Variants in PRKN observed in about 807,000 individuals in gnomAD.
PRKN encodes parkin RBR E3 ubiquitin protein ligase, also known as E3 ubiquitin-protein ligase parkin.
PRKN carries 56 observed loss-of-function variants against 59.5 expected under a neutral mutation model. The observed-to-expected ratio is 0.94, with a 90% confidence interval of 0.76 to 1.18. The LOEUF is 1.18. Ranked by LOEUF, PRKN falls within the 50% of genes most tolerant of loss-of-function variation. PRKN has a pLI of 0.00. For synonymous variants in PRKN, 250 were observed against 222.1 expected, an observed-to-expected ratio of 1.13 and a Z score of -1.12; for missense variants, 657 against 596.4, an observed-to-expected ratio of 1.10 and a Z score of -1.06.
At chr6:161,519,651 T>C (rs1422293953) in intron 9 of PRKN, among the ~76,000 whole-genome samples, 1 of 152,230 alleles carries the variant, frequency 6.6e-6, no homozygotes, top group Non-Finnish European at 1.5e-5. Flanking sequence ...GATATGAGCT[T>C]ATCTGTTACG....
chr6:162,542,042 A>G (rs941350504), intron 1 of PRKN, among the ~76,000 whole-genome samples: 5 of 152,160 alleles, frequency 3.3e-5, no homozygotes, highest in African/African-American at 1.2e-4. Flanking sequence ...CAAGTCAAAT[A>G]TTGACTGCAG....
chr6:162,157,674 A>C (rs1782572430), intron 4 of PRKN, among the ~76,000 whole-genome samples: 2 of 152,024 alleles, frequency 1.3e-5, no homozygotes, highest in Non-Finnish European at 2.9e-5. Flanking sequence ...CTAATGATAA[A>C]ATGCAGATGG....
intron 6 of PRKN, among the ~76,000 whole-genome samples, chr6:161,968,270 C>T (rs1431574346): frequency 6.7e-6 from 1 of 150,204 alleles, no homozygotes; most frequent in Non-Finnish European, 1.5e-5. Context: ...AACTCCTGGC[C>T]TCAAGTGATC....
chr6:162,149,509 G>A (rs1303456110), intron 4 of PRKN, among the ~76,000 whole-genome samples: 1 of 152,098 alleles, frequency 6.6e-6, no homozygotes, highest in Non-Finnish European at 1.5e-5. Flanking sequence ...CTCCCAAAGT[G>A]CAGGGATTAT....
intron 2 of PRKN, among the ~76,000 whole-genome samples, chr6:162,404,271 G>A (rs897924089): frequency 6.6e-6 from 1 of 151,580 alleles, no homozygotes; most frequent in African/African-American, 2.4e-5. Flanking sequence ...TCAGGAGGCT[G>A]AGGCAGGAGA....
In PRKN at chr6:162,717,517, G is replaced by C. The variant is rs112409887; in HGVS notation, c.7+10145C>G. 5.4e-3 allele frequency among the ~76,000 whole-genome samples: 771 copies of C among 142,502 alleles called. 7 individuals are homozygous for C. Among genetic ancestry groups the C allele is most frequent in the African/African-American group, 0.018 (704 of 38,382 alleles). 93.5% of individuals were successfully genotyped at this position (142,502 alleles called of 152,430 possible). A position where few individuals can be genotyped will look rare whatever the true frequency, so the allele number is the denominator to read the frequency against. On this transcript the variant is annotated intron_variant, in intron 1 of 11. Transcript: ENST00000366898. ...GGAATTCAAGGTTGCAGTGAGCTGT[G>C]TTTGTGCCACTGCACTCCAGTCTGA... is the stretch of plus-strand genomic sequence containing the variant.
chr6:161,939,561 A>T (rs1779481069), intron 6 of PRKN, among the ~76,000 whole-genome samples: 1 of 151,396 alleles, frequency 6.6e-6, no homozygotes, highest in Non-Finnish European at 1.5e-5. Flanking sequence ...GTGAAACCCC[A>T]TCTCTACCAA....
chr6:162,525,352 G>A (rs1056401097), intron 1 of PRKN, among the ~76,000 whole-genome samples: 11 of 152,120 alleles, frequency 7.2e-5, no homozygotes, highest in Admixed American at 1.3e-4. Context: ...CCTGCTGCCC[G>A]GTCCTCCCAC....
intron 1 of PRKN, among the ~76,000 whole-genome samples, chr6:162,726,570 T>C (rs1452446397): frequency 6.6e-6 from 1 of 152,202 alleles, no homozygotes; most frequent in South Asian, 2.1e-4. Flanking sequence ...CTCCCACTGA[T>C]GGGGAGAATG....
chr6:162,211,496 T>C lies in PRKN; in HGVS notation c.413-10244A>G, dbSNP rs138827826. 7.9e-4 allele frequency among the ~76,000 whole-genome samples: 120 copies of C among 152,236 alleles called. 1 individual carries two copies. Among genetic ancestry groups the C allele is most frequent in the African/African-American group, 2.6e-3 (108 of 41,566 alleles). On this transcript the variant is annotated intron_variant, in intron 3 of 11. Transcript: ENST00000366898. ...TTTTATTTTTACAGAAGTAGTACTTTTCTTGCTATTTAAAAAATAATTTAA... is the reference window on the plus strand; with the variant it reads ...TTTTATTTTTACAGAAGTAGTACTTCTCTTGCTATTTAAAAAATAATTTAA...
At chr6:162,665,316 A>G (rs1379424434) in intron 1 of PRKN, among the ~76,000 whole-genome samples, 2 of 152,140 alleles carry the variant, frequency 1.3e-5, no homozygotes, top group Non-Finnish European at 2.9e-5. Context: ...TCTTGAACTG[A>G]TAAGTAACTT....
At chr6:162,335,201 T>C (rs1416495565) in intron 2 of PRKN, among the ~76,000 whole-genome samples, 3 of 151,404 alleles carry the variant, frequency 2.0e-5, no homozygotes, top group African/African-American at 4.9e-5. Flanking sequence ...TTTCTTTTTT[T>C]TTTTTAATTG....
Position 161,376,363 on chromosome 6 carries a change from T to A in PRKN, c.1167+10431A>T, listed in dbSNP as rs1023332393. Among the ~76,000 whole-genome samples the A allele has an allele frequency of 1.3e-5, 2 of 152,224 alleles. No individual in the cohort carries two copies. The highest frequency in any genetic ancestry group is 4.8e-5 in the African/African-American group (2 of 41,452). ...AGCTGAGATGTCCACAATGAATGTGTGTCTCCCCGAACAACCTGCTTTTGT... is the reference window on the plus strand; with the variant it reads ...AGCTGAGATGTCCACAATGAATGTGAGTCTCCCCGAACAACCTGCTTTTGT... On this transcript the variant is annotated intron_variant, in intron 10 of 11. Transcript: ENST00000366898. This position sits in a 1 kb window ranked among gnomAD's most constrained non-coding sequence, Gnocchi z 7.3.
intron 1 of PRKN, among the ~76,000 whole-genome samples, chr6:162,514,670 C>T (rs578010838): frequency 1.4e-4 from 22 of 152,112 alleles, no homozygotes; most frequent in Non-Finnish European, 2.4e-4. Context: ...TGGTTCATGC[C>T]TATAATCCCA....
At chr6:161,763,644 T>C (rs2128199475) in intron 7 of PRKN, among the ~76,000 whole-genome samples, 1 of 152,098 alleles carries the variant, frequency 6.6e-6, no homozygotes, top group Admixed American at 6.5e-5. Flanking sequence ...TCAGCAAGGG[T>C]CATTTACAGA....
chr6:162,351,589 C>G (rs1475371104), intron 2 of PRKN, among the ~76,000 whole-genome samples: 1 of 152,174 alleles, frequency 6.6e-6, no homozygotes, highest in Non-Finnish European at 1.5e-5. Flanking sequence ...AAAAAAAGCA[C>G]ATGACTACAC....
chr6:162,082,029 T>C (rs1051694627), intron 4 of PRKN, among the ~76,000 whole-genome samples: 3 of 152,118 alleles, frequency 2.0e-5, no homozygotes, highest in Admixed American at 1.3e-4. Flanking sequence ...TCAGCCTTCA[T>C]AGAATTGAAG....
intron 1 of PRKN, among the ~76,000 whole-genome samples, chr6:162,498,149 C>A (rs1212783893): frequency 6.6e-6 from 1 of 152,078 alleles, no homozygotes; most frequent in African/African-American, 2.4e-5. Context: ...TTCAGTTCCA[C>A]CTTTGAACCC....
At chr6:162,707,314 CCTA>C (rs1778372012) in intron 1 of PRKN, among the ~76,000 whole-genome samples, 1 of 152,110 alleles carries the variant, frequency 6.6e-6, no homozygotes, top group Admixed American at 6.6e-5. Flanking sequence ...TCCAACTTAA[CCTA>C]CTTTTATTTT....
Sources: allele counts gnomAD v4.1 joint callset (sites outside exome capture counted in the v4.1 genomes callset), GRCh38; gene constraint gnomAD v4.1.1; non-coding constraint Gnocchi (gnomAD v3.1); transcripts MANE v1.5; gene names NCBI Gene and HGNC (gene_info 2026-07-23, HGNC 2026-07-21).